Variants in CFAP161 observed in about 807,000 individuals in gnomAD.
CFAP161 encodes cilia- and flagella-associated protein 161.
A neutral mutation model predicts 29.0 loss-of-function variants in CFAP161; 25 were observed. The observed-to-expected ratio is 0.86, with a 90% CI of 0.63 to 1.20. The LOEUF is 1.20. Ranked by LOEUF, CFAP161 falls within the 50% of genes most tolerant of loss-of-function variation. The probability of loss-of-function intolerance (pLI) is 0.00; values close to 1 mark genes in which losing one functional copy is unlikely to be tolerated. For missense variants in CFAP161, 367 were observed against 371.9 expected (o/e 0.99, Z 0.11); for synonymous variants, 116 against 137.4 (o/e 0.84, Z 1.09).
intron 1 of CFAP161, among the ~76,000 whole-genome samples, chr15:81,109,821 T>C (rs546733249): frequency 6.6e-6 from 1 of 152,360 alleles, no homozygotes; most frequent in South Asian, 2.1e-4. Flanking sequence ...TCCTTCCAAA[T>C]TGATGTGGAT....
intron 4 of CFAP161, among the ~76,000 whole-genome samples, chr15:81,142,353 T>A (rs1047598579): frequency 6.6e-6 from 1 of 152,288 alleles, no homozygotes; most frequent in African/African-American, 2.4e-5. Flanking sequence ...ACAGGTCTGG[T>A]CACCCCCATC....
chr15:81,104,771 C>G (rs970522070), intron 1 of CFAP161, among the ~76,000 whole-genome samples: 1 of 152,152 alleles, frequency 6.6e-6, no homozygotes, highest in African/African-American at 2.4e-5. Flanking sequence ...TCCCTGTAGG[C>G]TTCTATACAT....
rs78484517 is a variant in CFAP161, at chr15:81,140,307, T to A, written c.477+2172T>A. On this transcript the variant is annotated intron_variant, in intron 4 of 6. Coordinates refer to ENST00000286732, the MANE Select transcript of CFAP161 (RefSeq NM_173528.4). ...AGAAAAACTAGAATTAGCTTCTAGA[T>A]GTTTGCAATTTGACTTTTGCTTACA... 3.8e-3 allele frequency among the ~76,000 whole-genome samples: 573 copies of A among 152,364 alleles called. 2 individuals are homozygous for A. The highest frequency in any genetic ancestry group is 6.8e-3 in the Non-Finnish European group (465 of 68,040).
At chr15:81,126,457 G>C (rs1022517111) in intron 1 of CFAP161, among the ~76,000 whole-genome samples, 3 of 152,134 alleles carry the variant, frequency 2.0e-5, no homozygotes, top group Admixed American at 1.3e-4. Context: ...CCTTGAACAA[G>C]TAACAAATCT....
At chr15:81,146,802 C>A (rs1895012839) in intron 5 of CFAP161, among the ~76,000 whole-genome samples, 1 of 127,490 alleles carries the variant, frequency 7.8e-6, no homozygotes, top group African/African-American at 2.8e-5. Flanking sequence ...AACCTGCCTC[C>A]CATTTTGCTC....
intron 5 of CFAP161, among the ~76,000 whole-genome samples, chr15:81,145,114 T>C (rs934893038): frequency 6.6e-6 from 1 of 152,190 alleles, no homozygotes; most frequent in Non-Finnish European, 1.5e-5. Context: ...TGGCCAGGGT[T>C]CGCTTGCTAC....
At chr15:81,107,318 T>A in intron 1 of CFAP161, among the ~76,000 whole-genome samples, 1 of 152,196 alleles carries the variant, frequency 6.6e-6, no homozygotes, top group Non-Finnish European at 1.5e-5. Context: ...ATTTCTCCAT[T>A]TTACAGATGA....
chr15:81,120,564 T>A (rs142682726), intron 1 of CFAP161, among the ~76,000 whole-genome samples: 9 of 152,254 alleles, frequency 5.9e-5, no homozygotes, highest in African/African-American at 2.2e-4. Flanking sequence ...GGCCAGGAGT[T>A]CAAGACCAGC....
intron 1 of CFAP161, among the ~76,000 whole-genome samples, chr15:81,111,701 C>T (rs1894442335): frequency 6.6e-6 from 1 of 152,334 alleles, no homozygotes; most frequent in Admixed American, 6.5e-5. Context: ...CTGGCCCTTG[C>T]TTTCTTGCTT....
intron 1 of CFAP161, among the ~76,000 whole-genome samples, chr15:81,104,105 T>C (rs1378733341): frequency 1.3e-5 from 2 of 152,166 alleles, no homozygotes; most frequent in Non-Finnish European, 2.9e-5. Context: ...ACAGAGCTAA[T>C]AAGTGATGGA....
chr15:81,147,576 A>G lies in CFAP161; in HGVS notation c.637-282A>G, dbSNP rs1280987921. ...TGTACAAACCTGTAAGGATGTTACT[A>G]TACTGAATACTGTAGGTAACTGTAA... On this transcript the variant is annotated intron_variant, in intron 5 of 6. Transcript: ENST00000286732. 5.3e-5 allele frequency among the ~76,000 whole-genome samples: 8 copies of G among 152,210 alleles called. No individual in the cohort carries two copies. In the East Asian group the frequency reaches 1.3e-3, roughly 26 times the overall value.
chr15:81,099,518 G>C (rs1306660946), intron 1 of CFAP161: 3 of 152,226 alleles, frequency 2.0e-5, no homozygotes, highest in Admixed American at 2.0e-4. Context: ...ACTCAGGAGC[G>C]CAGGTCAGTT....
At chr15:81,121,109 T>A (rs10163025) in intron 1 of CFAP161, among the ~76,000 whole-genome samples, 1 of 152,152 alleles carries the variant, frequency 6.6e-6, no homozygotes, top group Admixed American at 6.5e-5. Flanking sequence ...TATAGCCAAT[T>A]TGATCACACA....
rs778118793 is a variant in CFAP161, at chr15:81,147,879, A to T, written c.658A>T (p.Asn220Tyr). Reference protein sequence around the residue: ...PVPANAKILINHCHTNRGLAA... With the variant: ...PVPANAKILIYHCHTNRGLAA... ...TAAGGCAAATGCTAAAATTCTCATC[A>T]ATCACTGTCACACAAATCGGGGACT... The change falls in exon 6 of 7, where the codon AAT becomes TAT. Residue 220 changes from asparagine (N) to tyrosine (Y), a missense_variant. Coordinates refer to ENST00000286732, the MANE Select transcript of CFAP161 (RefSeq NM_173528.4). 6.2e-7 allele frequency: 1 copy of T among 1,610,396 alleles called. No homozygotes were observed. The highest frequency in any genetic ancestry group is 1.7e-5 in the Admixed American group (1 of 59,442).
chr15:81,126,864 A>T (rs1016502673), intron 1 of CFAP161, among the ~76,000 whole-genome samples: 1 of 152,232 alleles, frequency 6.6e-6, no homozygotes, highest in Non-Finnish European at 1.5e-5. Flanking sequence ...CTTGAATGCC[A>T]TAAGTGGTGA....
intron 5 of CFAP161, among the ~76,000 whole-genome samples, chr15:81,146,850 A>G (rs1200393112): frequency 2.6e-5 from 1 of 38,224 alleles, no homozygotes; most frequent in Non-Finnish European, 4.1e-5. Flanking sequence ...ATATATATAT[A>G]TATATATATA....
chr15:81,148,057 G>A (rs561047585), intron 6 of CFAP161, 126 bp downstream of exon 6: 47 of 773,696 alleles, frequency 6.1e-5, no homozygotes, highest in African/African-American at 2.3e-4. Flanking sequence ...ATGAAATACC[G>A]CCACATAGAA....
intron 4 of CFAP161, among the ~76,000 whole-genome samples, chr15:81,138,971 G>GTTA (rs1333438308): frequency 2.6e-5 from 4 of 151,870 alleles, no homozygotes; most frequent in South Asian, 4.2e-4. Context: ...ATGATGTAGC[G>GTTA]TTATTATTAT....
chr15:81,105,157 C>CTCTG (rs1894351867), intron 1 of CFAP161, among the ~76,000 whole-genome samples: 5 of 19,068 alleles, frequency 2.6e-4, no homozygotes, highest in East Asian at 1.1e-3. Context: ...CCCTCCCTCC[C>CTCTG]TCCCTTCCTT....
Sources: gnomAD v4.1 joint callset for allele counts (sites outside exome capture counted in the v4.1 genomes callset) on GRCh38, gnomAD v4.1.1 for gene constraint, MANE v1.5 for transcripts, NCBI Gene and HGNC (gene_info 2026-07-23, HGNC 2026-07-21) for gene names.